The following CSMD2 variants were observed in gnomAD, a reference collection of about 807,000 sequenced individuals.
CSMD2 encodes the protein CUB and sushi domain-containing protein 2.
CSMD2 carries 130 observed loss-of-function variants against 398.5 expected under a neutral mutation model. The ratio of observed to expected loss-of-function variants is 0.33; its 90% CI spans 0.28 to 0.38. CSMD2 has a LOEUF of 0.38. Among genes scored for constraint, CSMD2 ranks in the 10% least tolerant of loss-of-function variants. CSMD2 has a pLI of 1.00. For missense variants in CSMD2, 3,829 were observed against 4,764.9 expected, an observed-to-expected ratio of 0.80 and a Z score of 5.78; for synonymous variants, 1,828 against 1,908.5, an observed-to-expected ratio of 0.96 and a Z score of 1.10.
chr1:33,797,420 C>T (rs1322521486), intron 10 of CSMD2, among the ~76,000 whole-genome samples: 1 of 152,188 alleles, frequency 6.6e-6, no homozygotes, highest in Non-Finnish European at 1.5e-5. Context: ...CAATACAGCA[C>T]AATAGCTATT....
chr1:33,685,283 T>C (rs1015913125), intron 25 of CSMD2, among the ~76,000 whole-genome samples: 2 of 152,224 alleles, frequency 1.3e-5, no homozygotes, highest in African/African-American at 4.8e-5. Context: ...TTCAGATTCT[T>C]GTTCCAGGAG....
In CSMD2 at chr1:33,518,193, G is replaced by A. The variant is rs549902313; in HGVS notation, c.*53+1272C>T. Among the ~76,000 whole-genome samples the A allele has an allele frequency of 1.8e-4, 28 of 152,348 alleles. No homozygotes were observed. The East Asian group carries it at 4.2e-3, about 23-fold the overall frequency. On this transcript the variant is annotated intron_variant, in intron 70 of 70. Coordinates refer to ENST00000373381, the MANE Select transcript of CSMD2 (RefSeq NM_001281956.2). This position sits in a 1 kb window ranked among gnomAD's most constrained non-coding sequence, Gnocchi z 4.3. ...GGGCACCTGCCTATCCCCAGAAAGCGGGATGTGTGGGAGAAGACAGTTCTC... is the reference window on the plus strand; with the variant it reads ...GGGCACCTGCCTATCCCCAGAAAGCAGGATGTGTGGGAGAAGACAGTTCTC...
rs571680298 is a variant in CSMD2, at chr1:34,048,380, G to C, written c.405-15674C>G. On this transcript the variant is annotated intron_variant, in intron 2 of 70. Coordinates refer to ENST00000373381, the MANE Select transcript of CSMD2 (RefSeq NM_001281956.2). ...TGATGGAACAGCTGAGATTTACCCAGGCCCTCAGATGGTGCCAGGCTAGGA... is the reference window on the plus strand; with the variant it reads ...TGATGGAACAGCTGAGATTTACCCACGCCCTCAGATGGTGCCAGGCTAGGA... 3.9e-5 allele frequency among the ~76,000 whole-genome samples: 6 copies of C among 152,282 alleles called. No individual in the cohort carries two copies. The South Asian group carries it at 1.0e-3, about 26-fold the overall frequency.
intron 10 of CSMD2, among the ~76,000 whole-genome samples, chr1:33,799,771 G>T (rs997335583): frequency 2.6e-5 from 4 of 152,216 alleles, no homozygotes; most frequent in African/African-American, 9.7e-5. Context: ...AAAATACAAG[G>T]AGCATGAGAC....
chr1:34,013,375 TGAC>T (rs1411632911), intron 3 of CSMD2, among the ~76,000 whole-genome samples: 1 of 152,156 alleles, frequency 6.6e-6, no homozygotes, highest in East Asian at 1.9e-4. Flanking sequence ...GGCATCCTCT[TGAC>T]AACACAGTCC....
At chr1:33,522,424 G>A (rs1654397910) in intron 67 of CSMD2, among the ~76,000 whole-genome samples, 1 of 152,184 alleles carries the variant, frequency 6.6e-6, no homozygotes, top group Admixed American at 6.5e-5. Flanking sequence ...TTCCTGCACA[G>A]CTTTTGGGCC....
chr1:33,587,241 T>C, intron 44 of CSMD2, 73 bp from the exon 45 acceptor site: 1 of 1,101,004 alleles, frequency 9.1e-7, no homozygotes, highest in Non-Finnish European at 1.3e-6. Context: ...ATTTGTTCAA[T>C]TCTTCACTTT....
chr1:33,988,774 C>T (rs978952522), intron 3 of CSMD2, among the ~76,000 whole-genome samples: 9 of 151,768 alleles, frequency 5.9e-5, no homozygotes, highest in East Asian at 5.8e-4. Flanking sequence ...CATGTTGTAT[C>T]GGCATCTTAT....
intron 13 of CSMD2, among the ~76,000 whole-genome samples, chr1:33,752,259 T>G (rs1417663599): frequency 2.0e-5 from 3 of 152,230 alleles, no homozygotes; most frequent in Admixed American, 6.5e-5. Context: ...TTGGGCCTGG[T>G]GGGACTCATG....
intron 13 of CSMD2, among the ~76,000 whole-genome samples, chr1:33,759,924 T>G (rs1557852196): frequency 6.6e-6 from 1 of 152,222 alleles, no homozygotes; most frequent in African/African-American, 2.4e-5. Flanking sequence ...TAGCAGCTAT[T>G]CATGAAACTA....
chr1:33,574,683 A>G (rs1659905386), intron 49 of CSMD2, among the ~76,000 whole-genome samples: 1 of 152,192 alleles, frequency 6.6e-6, no homozygotes. Context: ...GAGGGAGAGA[A>G]GTTGGAATAC....
intron 4 of CSMD2, among the ~76,000 whole-genome samples, chr1:33,920,564 A>AAAAAG (rs1553253405): frequency 1.6e-3 from 231 of 144,402 alleles, no homozygotes; most frequent in Non-Finnish European, 2.8e-3. Flanking sequence ...AAAAAAAAAA[A>AAAAAG]AGAGACCCAA....
At chr1:33,889,895 G>T (rs893488293) in intron 5 of CSMD2, among the ~76,000 whole-genome samples, 1 of 151,632 alleles carries the variant, frequency 6.6e-6, no homozygotes, top group African/African-American at 2.4e-5. Context: ...CGACTTTAAC[G>T]TTTTATTCTG....
intron 3 of CSMD2, among the ~76,000 whole-genome samples, chr1:33,945,674 C>T (rs905671196): frequency 6.6e-6 from 1 of 152,134 alleles, no homozygotes; most frequent in Non-Finnish European, 1.5e-5. Context: ...ACCAGTAACA[C>T]GTGCTGCCCC....
intron 27 of CSMD2, among the ~76,000 whole-genome samples, chr1:33,656,003 A>G (rs1643934160): frequency 6.6e-6 from 1 of 152,106 alleles, no homozygotes; most frequent in African/African-American, 2.4e-5. Flanking sequence ...AGCCTTGCAG[A>G]AGGCTGAATT....
intron 22 of CSMD2, among the ~76,000 whole-genome samples, chr1:33,706,480 T>C (rs1261652789): frequency 6.6e-6 from 1 of 152,236 alleles, no homozygotes; most frequent in African/African-American, 2.4e-5. Flanking sequence ...GTCATAAATA[T>C]AATATTCTCT....
Position 33,559,482 on chromosome 1 carries a change from A to G in CSMD2, c.8381-9T>C, listed in dbSNP as rs1658351917. ...GTGTCCACAGGTAATTGCTGTAACC[A>G]AAACAGAAGATAGGTAAGCCCTCCT... On this transcript the variant is annotated splice_polypyrimidine_tract_variant and intron_variant, in intron 53 of 70. Transcript: ENST00000373381. This position sits in a 1 kb window ranked among gnomAD's most constrained non-coding sequence, Gnocchi z 4.0. The G allele has an allele frequency of 6.5e-7, 1 of 1,535,892 alleles. No homozygotes were observed. Among genetic ancestry groups the G allele is most frequent in the Non-Finnish European group, 8.7e-7 (1 of 1,146,666 alleles).
At chr1:34,165,762 G>A (rs747414299), upstream of CSMD2, 40 of 1,613,914 alleles carry the variant, frequency 2.5e-5, 1 homozygote, top group South Asian at 3.8e-4. Context: ...GATCTTGGGT[G>A]GTGGCTTTGA....
At chr1:33,887,192 T>C (rs1393191232) in intron 5 of CSMD2, among the ~76,000 whole-genome samples, 2 of 151,448 alleles carry the variant, frequency 1.3e-5, no homozygotes, top group South Asian at 2.1e-4. Context: ...GAATCAAGTA[T>C]CTTAAAAAAT....
Sources: allele counts gnomAD v4.1 joint callset (sites outside exome capture counted in the v4.1 genomes callset), GRCh38; gene constraint gnomAD v4.1.1; non-coding constraint Gnocchi (gnomAD v3.1); transcripts MANE v1.5; gene names NCBI Gene and HGNC (gene_info 2026-07-23, HGNC 2026-07-21).